WDR27: variants seen among roughly 807,000 people sequenced by gnomAD.
The protein encoded by WDR27 is WD repeat-containing protein 27.
In WDR27, 100 loss-of-function variants were observed where a neutral mutation model predicts 114.4. The ratio of observed to expected loss-of-function variants is 0.87; its 90% CI spans 0.74 to 1.03. The LOEUF (loss-of-function observed/expected upper bound fraction) is 1.03. Ranked by LOEUF, WDR27 falls within the 50% of genes least tolerant of loss-of-function variation. WDR27 has a pLI of 0.00. For synonymous variants in WDR27, 449 were observed against 423.1 expected (o/e 1.06, Z -0.75); for missense variants, 1,129 against 1,092.9 (o/e 1.03, Z -0.47).
At position 169,672,411 on chromosome 6, in the gene WDR27, A is replaced by C. The variant is rs763886327; in HGVS notation, c.190-15T>G. The C allele has an allele frequency of 4.4e-6, 7 of 1,575,072 alleles. No individual in the cohort carries two copies. The highest frequency in any genetic ancestry group is 4.3e-6 in the Non-Finnish European group (5 of 1,160,394). On this transcript the variant is annotated splice_polypyrimidine_tract_variant and intron_variant, in intron 2 of 25. Coordinates refer to ENST00000448612, the MANE Select transcript of WDR27 (RefSeq NM_182552.5). ...AGGATTAGAAGCTGGGAAAATTAAC[A>C]AAAATAAAACACAGATCACAGACAT...
chr6:169,528,331 T>C (rs1795186311), intron 25 of WDR27, among the ~76,000 whole-genome samples: 1 of 152,140 alleles, frequency 6.6e-6, no homozygotes, highest in Admixed American at 6.5e-5. Context: ...AAATGCCCAG[T>C]ATACTAAATA....
intron 25 of WDR27, among the ~76,000 whole-genome samples, chr6:169,533,416 CA>C (rs1233505560): frequency 6.6e-6 from 1 of 152,104 alleles, no homozygotes; most frequent in Non-Finnish European, 1.5e-5. Flanking sequence ...ATGGAAATAA[CA>C]AAAGTGACTA....
At chr6:169,452,453 G>A (rs910447139), downstream of WDR27, among the ~76,000 whole-genome samples, 2 of 152,258 alleles carry the variant, frequency 1.3e-5, no homozygotes, top group African/African-American at 4.8e-5. Flanking sequence ...TGAAGAAACG[G>A]CTGCAGTGAG....
At chr6:169,552,542 T>C (rs1166083707) in intron 25 of WDR27, among the ~76,000 whole-genome samples, 1 of 152,174 alleles carries the variant, frequency 6.6e-6, no homozygotes, top group Non-Finnish European at 1.5e-5. Context: ...ATTTCACTGA[T>C]GAAACTAGCA....
In WDR27 at chr6:169,688,971, C is replaced by A; in HGVS notation, c.35G>T (p.Gly12Val). ...ENPQDIFSSN[G>V]GCLSDIVIEK... ...TATAACTATATCACTTAGACAGCCA[C>A]CATTACTTGAGAAAATGTCTTGGGG... The change falls in exon 2 of 26, where the codon GGT becomes GTT. Residue 12 changes from glycine (G) to valine (V), a missense_variant. Transcript: ENST00000448612. 11 of 1,612,140 alleles carry A rather than the reference C, an allele frequency of 6.8e-6. No individual in the cohort carries two copies. The highest frequency in any genetic ancestry group is 9.3e-6 in the Non-Finnish European group (11 of 1,179,382).
intron 25 of WDR27, among the ~76,000 whole-genome samples, chr6:169,464,038 T>G (rs1421978911): frequency 6.6e-6 from 1 of 152,238 alleles, no homozygotes; most frequent in African/African-American, 2.4e-5. Context: ...ACAACCCATT[T>G]TGAAATTCAT....
chr6:169,564,131 C>A (rs1269393336), intron 25 of WDR27, among the ~76,000 whole-genome samples: 1 of 152,240 alleles, frequency 6.6e-6, no homozygotes, highest in Admixed American at 6.5e-5. Flanking sequence ...CCAAGAGCCC[C>A]TGGCAAACCA....
intron 12 of WDR27, among the ~76,000 whole-genome samples, 154 bp downstream of exon 12, chr6:169,658,932 C>T (rs1176131051): frequency 6.6e-6 from 1 of 152,172 alleles, no homozygotes; most frequent in East Asian, 1.9e-4. Context: ...CGTGATCCAC[C>T]CGCCTCGGCC....
chr6:169,435,456 G>A, the WDR27 span, among the ~76,000 whole-genome samples: 8 of 152,230 alleles, frequency 5.3e-5, no homozygotes, highest in Non-Finnish European at 1.0e-4. Flanking sequence ...AAGCAGCTGG[G>A]AGGAAGCCTG....
chr6:169,620,910 C>G (rs1196447081), intron 21 of WDR27, among the ~76,000 whole-genome samples: 1 of 152,204 alleles, frequency 6.6e-6, no homozygotes, highest in African/African-American at 2.4e-5. Context: ...AGACATAGAC[C>G]TGGCACCCTT....
At chr6:169,700,478 T>C (rs1328569739) in intron 1 of WDR27, among the ~76,000 whole-genome samples, 1 of 152,242 alleles carries the variant, frequency 6.6e-6, no homozygotes, top group East Asian at 1.9e-4. Context: ...TGCAATTAAG[T>C]GCAGCCATGT....
intron 17 of WDR27, among the ~76,000 whole-genome samples, chr6:169,640,848 C>T (rs953030344): frequency 2.6e-5 from 4 of 152,206 alleles, no homozygotes; most frequent in African/African-American, 9.6e-5. Flanking sequence ...CGAGAGGTCG[C>T]ACAGGAGGGA....
intron 25 of WDR27, among the ~76,000 whole-genome samples, chr6:169,552,973 G>GGTGTGTGT (rs3975497): frequency 0.025 from 1,570 of 61,742 alleles, 161 homozygotes; most frequent in East Asian, 0.032. Flanking sequence ...GGGCCTGCCC[G>GGTGTGTGT]GTGTGTGTGT....
intron 25 of WDR27, among the ~76,000 whole-genome samples, chr6:169,533,314 C>T (rs940195741): frequency 1.4e-4 from 20 of 147,342 alleles, no homozygotes; most frequent in African/African-American, 2.8e-4. Flanking sequence ...GGGGCGGGGG[C>T]GGTGGTGAGG....
At chr6:169,526,086 G>T (rs540717118) in intron 25 of WDR27, among the ~76,000 whole-genome samples, 1 of 152,246 alleles carries the variant, frequency 6.6e-6, no homozygotes, top group South Asian at 2.1e-4. Flanking sequence ...AGGCTGAGAA[G>T]GGCAGGGGAA....
chr6:169,573,113 C>T (rs1031953897), intron 24 of WDR27, among the ~76,000 whole-genome samples: 1 of 152,096 alleles, frequency 6.6e-6, no homozygotes, highest in Non-Finnish European at 1.5e-5. Context: ...CCGGGGTGCA[C>T]CTGGGCTCTG....
chr6:169,571,753 A>G (rs1470842770), intron 25 of WDR27, among the ~76,000 whole-genome samples: 1 of 152,144 alleles, frequency 6.6e-6, no homozygotes, highest in Non-Finnish European at 1.5e-5. Flanking sequence ...TGGGAGCATC[A>G]CTGGAGCCAG....
At chr6:169,634,324 G>A in intron 20 of WDR27, 104 bp downstream of exon 20, 1 of 742,156 alleles carries the variant, frequency 1.3e-6, no homozygotes, top group Non-Finnish European at 2.2e-6. Context: ...CATTCCCGGA[G>A]CCCCACACAA....
chr6:169,663,338 ATAGTT>A (rs1193470087), intron 8 of WDR27, among the ~76,000 whole-genome samples: 3 of 146,612 alleles, frequency 2.0e-5, no homozygotes, highest in Non-Finnish European at 4.4e-5. Flanking sequence ...ATGAAAAGAA[ATAGTT>A]TAAAGTCATC....
Sources: allele counts gnomAD v4.1 joint callset (sites outside exome capture counted in the v4.1 genomes callset), GRCh38; gene constraint gnomAD v4.1.1; transcripts MANE v1.5; gene names NCBI Gene and HGNC (gene_info 2026-07-23, HGNC 2026-07-21).